The following LRRIQ3 variants were observed in gnomAD, a reference collection of about 807,000 sequenced individuals.
The protein encoded by LRRIQ3 is leucine-rich repeat and IQ domain-containing protein 3.
In LRRIQ3, 75 loss-of-function variants were observed where a neutral mutation model predicts 59.3. The ratio of observed to expected loss-of-function variants is 1.26; its 90% CI spans 1.05 to 1.53. LRRIQ3 has a LOEUF of 1.53. Among genes scored for constraint, LRRIQ3 ranks in the 40% most tolerant of loss-of-function variants. The probability of loss-of-function intolerance (pLI) is 0.00; values close to 1 mark genes in which losing one functional copy is unlikely to be tolerated. For missense variants in LRRIQ3, 831 were observed against 710.0 expected, an observed-to-expected ratio of 1.17 and a Z score of -1.94; for synonymous variants, 250 against 231.3, an observed-to-expected ratio of 1.08 and a Z score of -0.73.
intron 3 of LRRIQ3, chr1:74,180,934 A>G (rs1401799739): frequency 2.8e-6 from 2 of 724,998 alleles, no homozygotes; most frequent in African/African-American, 3.6e-5. Context: ...AACTAACACT[A>G]GCTGACATTT....
chr1:74,191,200 CA>C (rs1650747322), intron 1 of LRRIQ3, among the ~76,000 whole-genome samples: 1 of 152,002 alleles, frequency 6.6e-6, no homozygotes, highest in African/African-American at 2.4e-5. Flanking sequence ...CTGTATGGTG[CA>C]AAATTATTCT....
At chr1:74,086,831 A>T (rs1311436999) in intron 5 of LRRIQ3, among the ~76,000 whole-genome samples, 1 of 152,116 alleles carries the variant, frequency 6.6e-6, no homozygotes, top group Non-Finnish European at 1.5e-5. Flanking sequence ...ACAATTAAAC[A>T]GTAAGCCAAA....
chr1:74,032,815 A>G (rs765001820), intron 7 of LRRIQ3, among the ~76,000 whole-genome samples: 1 of 152,064 alleles, frequency 6.6e-6, no homozygotes, highest in Non-Finnish European at 1.5e-5. Context: ...AATTCTGACT[A>G]ACACAGCAGC....
At chr1:74,074,600 T>C (rs1305951568) in intron 6 of LRRIQ3, 61 bp downstream of exon 6, 3 of 786,544 alleles carry the variant, frequency 3.8e-6, no homozygotes, top group Admixed American at 8.5e-5. Context: ...TTTCTAATTA[T>C]ATTATTTACT....
At position 74,151,081 on chromosome 1, in the gene LRRIQ3, G is replaced by C. The variant is rs867115230; in HGVS notation, c.707+4652C>G. On this transcript the variant is annotated intron_variant, in intron 4 of 7. Transcript: ENST00000354431. ...TCACCAGGCTGGAGTGCAGTGGCGCGATCTCGGCTCACTACAACCTCCGCC... is the reference window on the plus strand; with the variant it reads ...TCACCAGGCTGGAGTGCAGTGGCGCCATCTCGGCTCACTACAACCTCCGCC... Among the ~76,000 whole-genome samples the C allele has an allele frequency of 3.8e-5, 5 of 131,490 alleles. No homozygotes were observed. In the South Asian group the frequency reaches 1.2e-3, roughly 32 times the overall value. The allele number at this position is 131,490 out of a possible 152,430, so 86.3% of individuals were successfully genotyped here. A position where few individuals can be genotyped will look rare whatever the true frequency, so the allele number is the denominator to read the frequency against.
chr1:74,178,110 G>A (rs1309382469), intron 3 of LRRIQ3, among the ~76,000 whole-genome samples: 2 of 151,782 alleles, frequency 1.3e-5, no homozygotes, highest in African/African-American at 4.8e-5. Context: ...CTAATGTTAA[G>A]TATTTGCTTT....
chr1:74,129,460 C>T (rs1318855480), intron 4 of LRRIQ3, among the ~76,000 whole-genome samples: 1 of 151,972 alleles, frequency 6.6e-6, no homozygotes, highest in African/African-American at 2.4e-5. Context: ...TGCTGCCAGG[C>T]CTAGGACTCT....
chr1:74,112,037 G>C (rs773301303), intron 4 of LRRIQ3, among the ~76,000 whole-genome samples: 1 of 152,038 alleles, frequency 6.6e-6, no homozygotes, highest in African/African-American at 2.4e-5. Flanking sequence ...CTGGAGCCCT[G>C]GTAGCCCTTA....
At chr1:74,124,808 GTTCTTC>G (rs1457619648) in intron 4 of LRRIQ3, among the ~76,000 whole-genome samples, 1 of 151,738 alleles carries the variant, frequency 6.6e-6, no homozygotes, top group African/African-American at 2.4e-5. Context: ...CTCCTGTTTT[GTTCTTC>G]TTGGTCAAGC....
intron 7 of LRRIQ3, among the ~76,000 whole-genome samples, chr1:74,028,403 T>A (rs1190534004): frequency 6.6e-6 from 1 of 152,052 alleles, no homozygotes; most frequent in Admixed American, 6.6e-5. Flanking sequence ...AAGGACTAAG[T>A]GGGTTGATAC....
chr1:74,134,709 C>G (rs1273827204), intron 4 of LRRIQ3, among the ~76,000 whole-genome samples: 1 of 151,476 alleles, frequency 6.6e-6, no homozygotes, highest in Admixed American at 6.6e-5. Flanking sequence ...TGATAAGATA[C>G]ATACTGTAGT....
chr1:74,128,752 T>G (rs1434470180), intron 4 of LRRIQ3, among the ~76,000 whole-genome samples: 1 of 152,050 alleles, frequency 6.6e-6, no homozygotes, highest in Non-Finnish European at 1.5e-5. Flanking sequence ...GGAAGGTTTT[T>G]CAGATATTTA....
chr1:74,162,540 AT>A (rs1327419974), intron 3 of LRRIQ3, among the ~76,000 whole-genome samples: 2 of 151,790 alleles, frequency 1.3e-5, no homozygotes, highest in African/African-American at 4.8e-5. Context: ...GACTTTTATA[AT>A]TATGACTCAT....
At chr1:74,148,337 T>G (rs565372637) in intron 4 of LRRIQ3, among the ~76,000 whole-genome samples, 3 of 152,254 alleles carry the variant, frequency 2.0e-5, no homozygotes, top group Middle Eastern at 3.4e-3. Context: ...TATCTGTGAG[T>G]TCTTCAGTGC....
At chr1:74,044,332 C>T (rs1426099617) in intron 6 of LRRIQ3, among the ~76,000 whole-genome samples, 1 of 152,042 alleles carries the variant, frequency 6.6e-6, no homozygotes, top group Non-Finnish European at 1.5e-5. Flanking sequence ...GTAGACCCCT[C>T]ATGAGTGGCT....
intron 4 of LRRIQ3, among the ~76,000 whole-genome samples, chr1:74,123,183 G>T (rs977947085): frequency 1.3e-5 from 2 of 151,796 alleles, no homozygotes; most frequent in Non-Finnish European, 2.9e-5. Flanking sequence ...TACATAGGAG[G>T]TGTATATAGT....
chr1:74,167,928 A>G (rs1359087237), intron 3 of LRRIQ3, among the ~76,000 whole-genome samples: 1 of 152,012 alleles, frequency 6.6e-6, no homozygotes. Flanking sequence ...ATCAGATAGC[A>G]CACCCTGTAT....
intron 5 of LRRIQ3, among the ~76,000 whole-genome samples, chr1:74,090,041 TAACTC>T (rs1646378031): frequency 1.3e-5 from 2 of 152,086 alleles, no homozygotes; most frequent in South Asian, 4.1e-4. Context: ...TTTCTAGTGG[TAACTC>T]AAGAATGTAA....
chr1:74,133,381 T>C (rs1189560675), intron 4 of LRRIQ3, among the ~76,000 whole-genome samples: 4 of 152,110 alleles, frequency 2.6e-5, no homozygotes, highest in East Asian at 1.9e-4. Flanking sequence ...CAAAGGATTA[T>C]AAATCATGCT....
Sources: allele counts gnomAD v4.1 joint callset (sites outside exome capture counted in the v4.1 genomes callset), GRCh38; gene constraint gnomAD v4.1.1; transcripts MANE v1.5; gene names NCBI Gene and HGNC (gene_info 2026-07-23, HGNC 2026-07-21).